PSMA5: variants seen among roughly 807,000 people sequenced by gnomAD.
PSMA5 encodes proteasome 20S subunit alpha 5, also known as proteasome subunit alpha type-5.
Under a neutral mutation model 34.5 loss-of-function variants are expected in PSMA5, and 3 were observed. The observed-to-expected ratio is 0.09, with a 90% CI of 0.04 to 0.22. The LOEUF is 0.22. Among genes scored for constraint, PSMA5 ranks in the 10% least tolerant of loss-of-function variants. PSMA5 has a pLI of 1.00. For missense variants in PSMA5, 120 were observed against 286.1 expected, an observed-to-expected ratio of 0.42 and a Z score of 4.19; for synonymous variants, 88 against 95.8, an observed-to-expected ratio of 0.92 and a Z score of 0.47.
intron 1 of PSMA5, 68 bp downstream of exon 1, chr1:109,426,234 G>C: frequency 6.3e-7 from 1 of 1,595,120 alleles, no homozygotes; most frequent in Non-Finnish European, 8.6e-7. Flanking sequence ...GCAGAACCCA[G>C]GCCGCGCGGC....
intron 4 of PSMA5, 69 bp from the exon 5 acceptor site, chr1:109,412,253 G>T: frequency 7.9e-7 from 1 of 1,268,496 alleles, no homozygotes; most frequent in South Asian, 1.2e-5. Flanking sequence ...ATCTCACTAC[G>T]CACATCCCTT....
intron 1 of PSMA5, chr1:109,425,975 G>A (rs765440297): frequency 4.6e-5 from 20 of 435,612 alleles, no homozygotes; most frequent in African/African-American, 7.8e-5. Flanking sequence ...ACGAAAAGAT[G>A]AACGGAGCAA....
Position 109,400,305 on chromosome 1 carries a change from A to G in PSMA5, c.*1708T>C, listed in dbSNP as rs1004937554. 4.6e-5 allele frequency: 7 copies of G among 152,186 alleles called. No homozygotes were observed. The highest frequency in any genetic ancestry group is 1.4e-4 in the African/African-American group (6 of 41,448). 9.4% of individuals were successfully genotyped at this position (152,186 alleles called of 1,614,324 possible). ...GCTTTATCCATTTCTGCATTAACCT[A>G]GAGTTAAAAAGGAATATTGTTTATT... is the stretch of plus-strand genomic sequence containing the variant. On this transcript the variant is annotated 3_prime_UTR_variant, in exon 9 of 9. Transcript: ENST00000271308.
chr1:109,401,214 T>A lies in PSMA5; in HGVS notation c.*799A>T, dbSNP rs1228805749. 1 of 152,186 alleles carries A rather than the reference T, an allele frequency of 6.6e-6. No homozygotes were observed. The highest frequency in any genetic ancestry group is 1.5e-5 in the Non-Finnish European group (1 of 68,024). 9.4% of individuals were successfully genotyped at this position (152,186 alleles called of 1,614,324 possible). On this transcript the variant is annotated 3_prime_UTR_variant, in exon 9 of 9. Transcript: ENST00000271308. ...ACAATTCTCTTACTGATATAGAGAT[T>A]TGTAATTGATTGCCAGTGAGGCCAA...
intron 8 of PSMA5, among the ~76,000 whole-genome samples, chr1:109,404,215 G>C (rs567372080): frequency 2.8e-4 from 42 of 152,154 alleles, no homozygotes; most frequent in Middle Eastern, 3.4e-3. Flanking sequence ...GCCCAGCTGA[G>C]GCACAAGAAT....
intron 8 of PSMA5, among the ~76,000 whole-genome samples, chr1:109,409,459 A>G (rs1262208844): frequency 6.6e-6 from 1 of 152,240 alleles, no homozygotes; most frequent in East Asian, 1.9e-4. Flanking sequence ...GCCAGGCCTC[A>G]TTCTTTAACT....
chr1:109,426,158 G>T lies in PSMA5; in HGVS notation c.29+144C>A. 4 of 1,071,168 alleles carry T rather than the reference G, an allele frequency of 3.7e-6. No individual in the cohort carries two copies. The South Asian group carries it at 4.1e-5, about 11-fold the overall frequency. The allele number at this position is 1,071,168 out of a possible 1,614,324, so 66.4% of individuals were successfully genotyped here. A position where few individuals can be genotyped will look rare whatever the true frequency, so the allele number is the denominator to read the frequency against. ...TCTAGCTTGGGGAAGGACGGCGGGCGCCTGAGGAGGGCATAACATCCCCAG... is the reference window on the plus strand; with the variant it reads ...TCTAGCTTGGGGAAGGACGGCGGGCTCCTGAGGAGGGCATAACATCCCCAG... On this transcript the variant is annotated intron_variant, in intron 1 of 8. Coordinates refer to ENST00000271308, the MANE Select transcript of PSMA5 (RefSeq NM_002790.4).
At chr1:109,404,385 T>C (rs904072326) in intron 8 of PSMA5, among the ~76,000 whole-genome samples, 8 of 152,182 alleles carry the variant, frequency 5.3e-5, no homozygotes, top group Admixed American at 2.6e-4. Flanking sequence ...TGATGATCAA[T>C]GACATGAGGA....
Position 109,400,922 on chromosome 1 carries a change from T to C in PSMA5, c.*1091A>G, listed in dbSNP as rs1343888970. ...TGCAAGTACTTTTCAAATCTCCAGA[T>C]TTCCCTATTACTCAAGAGCTGGTGA... On this transcript the variant is annotated 3_prime_UTR_variant, in exon 9 of 9. Coordinates refer to ENST00000271308, the MANE Select transcript of PSMA5 (RefSeq NM_002790.4). 1.3e-5 allele frequency: 2 copies of C among 152,170 alleles called. No homozygotes were observed. Among genetic ancestry groups the C allele is most frequent in the Non-Finnish European group, 2.9e-5 (2 of 68,032 alleles). 9.4% of individuals were successfully genotyped at this position (152,170 alleles called of 1,614,324 possible).
At chr1:109,406,030 G>A (rs1157578788) in intron 8 of PSMA5, among the ~76,000 whole-genome samples, 2 of 152,202 alleles carry the variant, frequency 1.3e-5, no homozygotes, top group Admixed American at 6.5e-5. Context: ...TGAATGACAA[G>A]TACCCTGGGG....
chr1:109,417,399 C>G (rs180721350), intron 2 of PSMA5, among the ~76,000 whole-genome samples: 1 of 152,256 alleles, frequency 6.6e-6, no homozygotes, highest in East Asian at 1.9e-4. Flanking sequence ...ATGGTGGCAA[C>G]AAGGACCTCT....
intron 8 of PSMA5, among the ~76,000 whole-genome samples, chr1:109,403,449 C>A (rs1386888180): frequency 6.6e-6 from 1 of 151,384 alleles, no homozygotes; most frequent in Admixed American, 6.6e-5. Context: ...CACAGGGAGA[C>A]CCCGTGTCTA....
chr1:109,426,184 G>T, intron 1 of PSMA5, 118 bp downstream of exon 1: 1 of 1,392,112 alleles, frequency 7.2e-7, no homozygotes, highest in Non-Finnish European at 1.0e-6. Context: ...ACATCCCCAG[G>T]TCCGGCCAGT....
chr1:109,423,194 G>A (rs1017240288), intron 1 of PSMA5, among the ~76,000 whole-genome samples: 3 of 152,108 alleles, frequency 2.0e-5, no homozygotes, highest in Admixed American at 6.5e-5. Flanking sequence ...ATCCCAGCAC[G>A]TTGGGAGGAT....
intron 4 of PSMA5, 29 bp downstream of exon 4, chr1:109,413,039 T>C (rs755298518): frequency 1.3e-6 from 2 of 1,588,798 alleles, no homozygotes; most frequent in South Asian, 1.1e-5. Context: ...TCAAGCATCC[T>C]GGTAAAAAGG....
At chr1:109,404,958 G>A (rs552857575) in intron 8 of PSMA5, among the ~76,000 whole-genome samples, 5 of 152,244 alleles carry the variant, frequency 3.3e-5, no homozygotes, top group Non-Finnish European at 5.9e-5. Flanking sequence ...TTTGAGTTGT[G>A]TATTAAAGCA....
intron 8 of PSMA5, among the ~76,000 whole-genome samples, chr1:109,408,030 C>T (rs1156931613): frequency 1.3e-5 from 2 of 152,178 alleles, no homozygotes; most frequent in Non-Finnish European, 1.5e-5. Flanking sequence ...GTTGCATTCA[C>T]CTACCCTCGG....
At chr1:109,408,334 T>C (rs989321842) in intron 8 of PSMA5, among the ~76,000 whole-genome samples, 10 of 152,214 alleles carry the variant, frequency 6.6e-5, no homozygotes, top group African/African-American at 2.4e-4. Flanking sequence ...TGTCCCGTCT[T>C]CCTGGAATAC....
intron 2 of PSMA5, 131 bp from the exon 3 acceptor site, chr1:109,415,494 A>G: frequency 3.5e-6 from 3 of 860,334 alleles, no homozygotes; most frequent in Admixed American, 3.1e-5. Flanking sequence ...AGAGAGAAGG[A>G]GCACCCTAAC....
Sources: gnomAD v4.1 joint callset for allele counts (sites outside exome capture counted in the v4.1 genomes callset) on GRCh38, gnomAD v4.1.1 for gene constraint, MANE v1.5 for transcripts, NCBI Gene and HGNC (gene_info 2026-07-23, HGNC 2026-07-21) for gene names.